GPBP1: variants seen among roughly 807,000 people sequenced by gnomAD.
GPBP1 encodes the protein vasculin.
Under a neutral mutation model 56.5 loss-of-function variants are expected in GPBP1, and 13 were observed. The observed-to-expected ratio is 0.23, with a 90% CI of 0.15 to 0.37. The LOEUF is 0.37. Among genes scored for constraint, GPBP1 ranks in the 10% least tolerant of loss-of-function variants. The probability of loss-of-function intolerance (pLI) is 1.00; values close to 1 mark genes in which losing one functional copy is unlikely to be tolerated. For synonymous variants in GPBP1, 204 were observed against 188.9 expected (o/e 1.08, Z -0.66); for missense variants, 477 against 572.3 (o/e 0.83, Z 1.70).
intron 3 of GPBP1, among the ~76,000 whole-genome samples, chr5:57,215,757 C>G (rs867768317): frequency 6.6e-6 from 1 of 152,050 alleles, no homozygotes; most frequent in African/African-American, 2.4e-5. Context: ...GCTTCTTACC[C>G]TTGGCAAAAT....
intron 2 of GPBP1, among the ~76,000 whole-genome samples, chr5:57,177,648 C>CTTTTTTTTTTTTT (rs58708281): frequency 7.6e-5 from 7 of 92,242 alleles, no homozygotes; most frequent in African/African-American, 1.4e-4. Flanking sequence ...CAATTTTTGC[C>CTTTTTTTTTTTTT]TTTTTTTTTT....
At chr5:57,248,413 T>G (rs891552828) in intron 8 of GPBP1, among the ~76,000 whole-genome samples, 13 of 145,408 alleles carry the variant, frequency 8.9e-5, no homozygotes, top group Non-Finnish European at 1.6e-4. Context: ...GAACCCCTCA[T>G]ATACTATTTT....
chr5:57,196,008 T>TAAAAAAAAAAAA (rs1561330293), intron 2 of GPBP1, among the ~76,000 whole-genome samples: 13 of 53,870 alleles, frequency 2.4e-4, no homozygotes, highest in African/African-American at 7.4e-4. Flanking sequence ...AAAAAAAAAT[T>TAAAAAAAAAAAA]TTTTTTTTTT....
intron 6 of GPBP1, among the ~76,000 whole-genome samples, chr5:57,238,141 C>G (rs922745969): frequency 2.6e-5 from 4 of 152,154 alleles, no homozygotes; most frequent in Non-Finnish European, 5.9e-5. Context: ...TAATTTAAAA[C>G]TAAAACAGGA....
chr5:57,223,547 C>T (rs898381941), intron 3 of GPBP1, among the ~76,000 whole-genome samples: 1 of 152,036 alleles, frequency 6.6e-6, no homozygotes, highest in African/African-American at 2.4e-5. Context: ...TCTCTACCAT[C>T]CACAGACATC....
chr5:57,244,873 A>G (rs1477268286), intron 6 of GPBP1, among the ~76,000 whole-genome samples: 1 of 151,416 alleles, frequency 6.6e-6, no homozygotes, highest in African/African-American at 2.4e-5. Context: ...AGCTGGGATT[A>G]TAGGCACATG....
chr5:57,235,601 G>A (rs1187196718), intron 5 of GPBP1, among the ~76,000 whole-genome samples: 1 of 152,106 alleles, frequency 6.6e-6, no homozygotes, highest in African/African-American at 2.4e-5. Context: ...TAGTTTAATG[G>A]TTAGCAAAGT....
In GPBP1 at chr5:57,209,310, C is replaced by T. The variant is rs911280007; in HGVS notation, c.-57-4764C>T. 2.6e-5 allele frequency among the ~76,000 whole-genome samples: 4 copies of T among 152,098 alleles called. No individual in the cohort carries two copies. In the East Asian group the frequency reaches 5.8e-4, roughly 22 times the overall value. On this transcript the variant is annotated intron_variant, in intron 2 of 11. Coordinates refer to ENST00000506184, the MANE Select transcript of GPBP1 (RefSeq NM_022913.4). ...AATTTGGATGCCATTTAAAAAAATA[C>T]GACACTGTCTCACTATGTTCCCCAG...
intron 2 of GPBP1, among the ~76,000 whole-genome samples, chr5:57,177,137 CAA>C (rs142835330): frequency 1.5e-4 from 23 of 151,814 alleles, no homozygotes; most frequent in African/African-American, 4.3e-4. Context: ...TTTTTCCACT[CAA>C]GAGGTTATGC....
At chr5:57,203,307 T>C (rs960963129) in intron 2 of GPBP1, among the ~76,000 whole-genome samples, 7 of 152,184 alleles carry the variant, frequency 4.6e-5, no homozygotes, top group Admixed American at 4.6e-4. Context: ...TTTTTGTAAC[T>C]TCCTGTTTTG....
intron 10 of GPBP1, among the ~76,000 whole-genome samples, chr5:57,258,832 G>A (rs1258197529): frequency 6.6e-6 from 1 of 152,118 alleles, no homozygotes; most frequent in African/African-American, 2.4e-5. Context: ...AGCCTCTGGT[G>A]GAGAAGTAGA....
chr5:57,255,455 A>G (rs563652529), intron 10 of GPBP1, among the ~76,000 whole-genome samples: 1 of 152,380 alleles, frequency 6.6e-6, no homozygotes, highest in Non-Finnish European at 1.5e-5. Flanking sequence ...ACCAATGATC[A>G]TTGAAATATT....
At position 57,242,227 on chromosome 5, in the gene GPBP1, T is replaced by G. The variant is rs568869871; in HGVS notation, c.479-4073T>G. ...AATTGCAGGTTAAGCAACCTGAAAT[T>G]CTTGCAAAAGGACACCTTTAATTTG... On this transcript the variant is annotated intron_variant, in intron 6 of 11. Transcript: ENST00000506184. 5.9e-5 allele frequency among the ~76,000 whole-genome samples: 9 copies of G among 152,322 alleles called. No homozygotes were observed. The East Asian group carries it at 1.7e-3, about 29-fold the overall frequency.
chr5:57,198,782 A>AGGT (rs1299973118), intron 2 of GPBP1, among the ~76,000 whole-genome samples: 1 of 152,246 alleles, frequency 6.6e-6, no homozygotes, highest in Non-Finnish European at 1.5e-5. Context: ...TCGGTGGCAG[A>AGGT]GGTTGTAGCC....
intron 5 of GPBP1, among the ~76,000 whole-genome samples, chr5:57,232,610 GA>G (rs1483666437): frequency 1.3e-5 from 2 of 152,086 alleles, no homozygotes; most frequent in Non-Finnish European, 2.9e-5. Flanking sequence ...AAAACTTTTT[GA>G]AAAGTTCTAA....
chr5:57,211,871 C>T (rs1198454617), intron 2 of GPBP1, among the ~76,000 whole-genome samples: 14 of 151,974 alleles, frequency 9.2e-5, no homozygotes, highest in Admixed American at 2.0e-4. Flanking sequence ...CGTGCTCGGC[C>T]ATTACGTAAC....
At chr5:57,231,352 A>C in intron 5 of GPBP1, 31 bp downstream of exon 5, 1 of 1,528,838 alleles carries the variant, frequency 6.5e-7, no homozygotes, top group Non-Finnish European at 9.0e-7. Context: ...ATACAAATGA[A>C]GTTTCTGTAA....
At chr5:57,196,415 G>T (rs1457164427) in intron 2 of GPBP1, among the ~76,000 whole-genome samples, 1 of 152,120 alleles carries the variant, frequency 6.6e-6, no homozygotes, top group Non-Finnish European at 1.5e-5. Context: ...ATTTAATCTG[G>T]TGGATTTCAC....
intron 2 of GPBP1, among the ~76,000 whole-genome samples, chr5:57,196,938 T>C (rs1304770828): frequency 2.0e-5 from 3 of 152,058 alleles, no homozygotes; most frequent in Non-Finnish European, 4.4e-5. Flanking sequence ...TACACCACCA[T>C]ACCTGGCTAA....
Sources: allele counts gnomAD v4.1 joint callset (sites outside exome capture counted in the v4.1 genomes callset), GRCh38; gene constraint gnomAD v4.1.1; transcripts MANE v1.5; gene names NCBI Gene and HGNC (gene_info 2026-07-23, HGNC 2026-07-21).